AKAP6: variants seen among roughly 807,000 people sequenced by gnomAD.
AKAP6 encodes A-kinase anchor protein 6.
A neutral mutation model predicts 188.5 loss-of-function variants in AKAP6; 58 were observed. The observed-to-expected ratio is 0.31, with a 90% CI of 0.25 to 0.38. AKAP6 has a LOEUF of 0.38. AKAP6 is among the 10% of genes least tolerant of loss of function. The pLI, the probability that AKAP6 is intolerant of heterozygous loss-of-function variation, is 1.00. For missense variants in AKAP6, 2,710 were observed against 2,740.0 expected (o/e 0.99, Z 0.24); for synonymous variants, 989 against 998.6 (o/e 0.99, Z 0.18).
chr14:32,594,272 A>G (rs1369977353), intron 5 of AKAP6, among the ~76,000 whole-genome samples: 7 of 152,176 alleles, frequency 4.6e-5, no homozygotes, highest in African/African-American at 1.7e-4. Context: ...TGTACAAATT[A>G]TATTAACATT....
At chr14:32,735,552 T>G in intron 10 of AKAP6, 106 bp from the exon 11 acceptor site, 3 of 786,990 alleles carry the variant, frequency 3.8e-6, no homozygotes, top group Non-Finnish European at 6.0e-6. Context: ...AAAACTGTGG[T>G]GTGTTTTTGG....
intron 2 of AKAP6, among the ~76,000 whole-genome samples, chr14:32,512,420 T>C (rs1184395292): frequency 1.3e-5 from 2 of 152,212 alleles, no homozygotes; most frequent in Non-Finnish European, 2.9e-5. Context: ...AGAAAGTGCA[T>C]TGAAATTGAA....
intron 7 of AKAP6, among the ~76,000 whole-genome samples, chr14:32,660,931 CCCCT>C (rs1311348541): frequency 1.3e-4 from 14 of 104,314 alleles, no homozygotes; most frequent in South Asian, 6.0e-4. Flanking sequence ...GCCACCCCCC[CCCCT>C]CCCAATTCCA....
intron 5 of AKAP6, among the ~76,000 whole-genome samples, chr14:32,578,798 A>G (rs1391071128): frequency 1.3e-5 from 2 of 151,564 alleles, no homozygotes; most frequent in Non-Finnish European, 3.0e-5. Context: ...AAGCCGGGCT[A>G]GGAGAGTATG....
chr14:32,372,250 TTAA>T (rs1888030779), intron 1 of AKAP6, among the ~76,000 whole-genome samples: 1 of 152,198 alleles, frequency 6.6e-6, no homozygotes, highest in South Asian at 2.1e-4. Context: ...TAAGTATTTA[TTAA>T]TGTAACATTT....
intron 2 of AKAP6, among the ~76,000 whole-genome samples, chr14:32,523,017 T>G (rs1881926681): frequency 3.3e-5 from 5 of 152,174 alleles, no homozygotes; most frequent in Admixed American, 3.3e-4. Context: ...TGAGTTCATG[T>G]CCTTTGTAGG....
At position 32,654,936 on chromosome 14, in the gene AKAP6, A is replaced by G. The variant is rs567372968; in HGVS notation, c.2731-23375A>G. 1.6e-4 allele frequency among the ~76,000 whole-genome samples: 24 copies of G among 152,268 alleles called. No individual in the cohort carries two copies. In the South Asian group the frequency reaches 3.5e-3, roughly 22 times the overall value. ...AAAATCATGCTTTAAGGACTTCTAT[A>G]AAGTCACAAAATAATGTTTGCAGAA... is the stretch of plus-strand genomic sequence containing the variant. On this transcript the variant is annotated intron_variant, in intron 7 of 13. Transcript: ENST00000280979.
chr14:32,448,008 C>T (rs1053656831), intron 2 of AKAP6, among the ~76,000 whole-genome samples: 30 of 152,172 alleles, frequency 2.0e-4, no homozygotes, highest in African/African-American at 5.8e-4. Flanking sequence ...AATGATGCCC[C>T]GGACCAAAGG....
At chr14:32,640,111 T>G (rs1375681543) in intron 7 of AKAP6, among the ~76,000 whole-genome samples, 1 of 151,904 alleles carries the variant, frequency 6.6e-6, no homozygotes, top group African/African-American at 2.4e-5. Context: ...TATTCTTCAT[T>G]TTTTTTATTT....
intron 8 of AKAP6, among the ~76,000 whole-genome samples, chr14:32,688,435 T>A (rs1231700026): frequency 2.0e-5 from 3 of 152,052 alleles, no homozygotes; most frequent in Non-Finnish European, 2.9e-5. Flanking sequence ...CTGAAATAAT[T>A]TAGGAAAAAG....
chr14:32,497,487 A>C (rs73267394), intron 2 of AKAP6, among the ~76,000 whole-genome samples: 10,697 of 152,158 alleles, frequency 0.07, 1,224 homozygotes, highest in African/African-American at 0.24. Flanking sequence ...GAATCTTTTA[A>C]AATTTATTGA....
At position 32,822,944 on chromosome 14, in the gene AKAP6, A is replaced by T. The variant is rs148686760; in HGVS notation, c.5131A>T (p.Ile1711Phe). The T allele has an allele frequency of 2.2e-4, 358 of 1,613,808 alleles. No individual in the cohort carries two copies. The highest frequency in any genetic ancestry group is 2.9e-4 in the Non-Finnish European group (345 of 1,179,922). The change falls in exon 13 of 14, where the codon ATC becomes TTC. Residue 1711 changes from isoleucine (I) to phenylalanine (F), a missense_variant. Physicochemically the swap from Ile to Phe is conservative, Grantham distance 21. Transcript: ENST00000280979. Reference protein sequence around the residue: ...SEDIVLHKNKIPESNASFRKR... With the variant: ...SEDIVLHKNKFPESNASFRKR... Reference sequence around the variant, plus strand: ...GGATATTGTGTTACACAAGAACAAGATCCCGGAATCGAATGCATCGTTCAG... The same window carrying T: ...GGATATTGTGTTACACAAGAACAAGTTCCCGGAATCGAATGCATCGTTCAG...
At chr14:32,637,716 A>T (rs1490500593) in intron 7 of AKAP6, among the ~76,000 whole-genome samples, 2 of 152,008 alleles carry the variant, frequency 1.3e-5, no homozygotes, top group Non-Finnish European at 2.9e-5. Flanking sequence ...ATTAACAATG[A>T]GATGAGGGTG....
intron 2 of AKAP6, among the ~76,000 whole-genome samples, chr14:32,476,256 A>G (rs2138879991): frequency 6.6e-6 from 1 of 152,338 alleles, no homozygotes; most frequent in African/African-American, 2.4e-5. Flanking sequence ...TCATGCTCTT[A>G]AAGTTTTTAT....
intron 8 of AKAP6, among the ~76,000 whole-genome samples, chr14:32,681,782 G>C (rs1306991193): frequency 6.6e-6 from 1 of 151,072 alleles, no homozygotes; most frequent in Non-Finnish European, 1.5e-5. Context: ...TGGCTCAGGT[G>C]ATTCTCCCAC....
rs1378586388 is a variant in AKAP6 at position 32,713,190 on chromosome 14, G to T, written c.3000+17080G>T. ...AAGGAATCTTTTATTCTGAGCCATA[G>T]GTCCCCACAATGGGCTTAAAATATA... is the stretch of plus-strand genomic sequence containing the variant. On this transcript the variant is annotated intron_variant, in intron 9 of 13. Transcript: ENST00000280979. Among the ~76,000 whole-genome samples the T allele has an allele frequency of 2.0e-5, 3 of 152,088 alleles. No homozygotes were observed. The East Asian group carries it at 5.8e-4, about 29-fold the overall frequency.
intron 2 of AKAP6, chr14:32,494,192 A>C (rs564993215): frequency 2.4e-4 from 37 of 152,302 alleles, no homozygotes; most frequent in Admixed American, 1.0e-3. Flanking sequence ...CCAACCCAGG[A>C]AATTCTTCCC....
At chr14:32,779,620 C>T (rs1412991340) in intron 12 of AKAP6, among the ~76,000 whole-genome samples, 1 of 151,956 alleles carries the variant, frequency 6.6e-6, no homozygotes, top group African/African-American at 2.4e-5. Context: ...ATCAAGAAGA[C>T]AACATTACTA....
intron 1 of AKAP6, among the ~76,000 whole-genome samples, chr14:32,353,244 A>G (rs1477287709): frequency 6.6e-6 from 1 of 152,168 alleles, no homozygotes; most frequent in East Asian, 1.9e-4. Context: ...TGGGTTTTAT[A>G]GAAAGAGGAA....
Sources: allele counts gnomAD v4.1 joint callset (sites outside exome capture counted in the v4.1 genomes callset), GRCh38; gene constraint gnomAD v4.1.1; transcripts MANE v1.5; gene names NCBI Gene and HGNC (gene_info 2026-07-23, HGNC 2026-07-21).